PCDH11X: variants seen among roughly 807,000 people sequenced by gnomAD.
PCDH11X encodes the protein protocadherin-11 X-linked.
Under a neutral mutation model 53.3 loss-of-function variants are expected in PCDH11X, and 18 were observed. The ratio of observed to expected loss-of-function variants is 0.34; its 90% confidence interval spans 0.23 to 0.50. PCDH11X has a LOEUF of 0.50. Among genes scored for constraint, PCDH11X ranks in the 20% least tolerant of loss-of-function variants. The pLI is 0.98. For missense variants in PCDH11X, 570 were observed against 1,032.4 expected (o/e 0.55, Z 6.14); for synonymous variants, 279 against 393.3 (o/e 0.71, Z 3.44).
intron 6 of PCDH11X, among the ~76,000 whole-genome samples, chrX:92,200,425 A>G (rs1038894267): frequency 8.9e-6 from 1 of 112,043 alleles, no homozygotes; most frequent in Non-Finnish European, 1.9e-5. Flanking sequence ...ACTGCTGGTT[A>G]TATATCCAAA....
chrX:92,576,669 A>C (rs1236742579), intron 10 of PCDH11X, among the ~76,000 whole-genome samples: 2 of 110,783 alleles, frequency 1.8e-5, no homozygotes, highest in Non-Finnish European at 3.8e-5. Context: ...TTGCATAAAC[A>C]AAAAAAGCAC....
intron 1 of PCDH11X, among the ~76,000 whole-genome samples, chrX:91,799,319 A>C (rs1479304053): frequency 1.8e-5 from 2 of 111,738 alleles, no homozygotes; most frequent in African/African-American, 6.5e-5. Context: ...AAACATACCT[A>C]ATTCTGTTAA....
At position 92,255,193 on chromosome X, in the gene PCDH11X, A is replaced by G. The variant is rs1212241557; in HGVS notation, c.3115-7921A>G. 7.4e-5 allele frequency among the ~76,000 whole-genome samples: 8 copies of G among 107,843 alleles called. No homozygotes were observed. The East Asian group carries it at 2.3e-3, about 31-fold the overall frequency. The allele number at this position is 107,843 out of a possible 115,157, so 93.6% of individuals were successfully genotyped here. A position where few individuals can be genotyped will look rare whatever the true frequency, so the allele number is the denominator to read the frequency against. On this transcript the variant is annotated intron_variant, in intron 7 of 10. Coordinates refer to ENST00000682573, the MANE Select transcript of PCDH11X (RefSeq NM_032968.5). ...CTTCTCGCTTCATTTCATTCATTTC[A>G]TCTTCCATCGCTGATATCCTTTCTT...
At chrX:92,034,586 C>T (rs1047787149) in intron 6 of PCDH11X, among the ~76,000 whole-genome samples, 2 of 107,127 alleles carry the variant, frequency 1.9e-5, no homozygotes, top group African/African-American at 6.9e-5. Context: ...TTTCCATTGA[C>T]ACAGAATATC....
At chrX:92,458,746 A>G (rs1382206723) in intron 9 of PCDH11X, among the ~76,000 whole-genome samples, 1 of 109,056 alleles carries the variant, frequency 9.2e-6, no homozygotes, top group Non-Finnish European at 1.9e-5. Context: ...CCCATTCTGA[A>G]TATGCAGCAC....
chrX:92,484,207 G>A (rs866177747), intron 10 of PCDH11X, among the ~76,000 whole-genome samples: 1,095 of 68,129 alleles, frequency 0.016, 19 homozygotes, highest in African/African-American at 0.085. Flanking sequence ...ATGTATATAT[G>A]TATATATATG....
intron 5 of PCDH11X, 115 bp from the exon 6 acceptor site, chrX:91,876,666 T>C (rs1232703944): frequency 2.4e-6 from 2 of 817,832 alleles, no homozygotes; most frequent in African/African-American, 2.2e-5. Flanking sequence ...AAACTGAAAA[T>C]TGTTCTCATT....
chrX:92,257,865 G>C (rs138994165), intron 7 of PCDH11X, among the ~76,000 whole-genome samples: 1,707 of 111,773 alleles, frequency 0.015, 32 homozygotes, highest in African/African-American at 0.053. Flanking sequence ...GCTGTTGGTG[G>C]ATCTACCATT....
chrX:91,950,559 T>TAA (rs1301957739), intron 6 of PCDH11X, among the ~76,000 whole-genome samples: 3 of 103,378 alleles, frequency 2.9e-5, no homozygotes, highest in African/African-American at 1.1e-4. Context: ...TATATATATA[T>TAA]AAATGTGATT....
rs1228997691 is a variant in PCDH11X, at chrX:92,036,224, T to C, written c.3033+156951T>C. The stretch of plus-strand genomic sequence containing the variant: ...ACTGATGCTCGTAGATGTTTGTTTA[T>C]GTCTGTATATTGAGGAGTTCGGTGT... On this transcript the variant is annotated intron_variant, in intron 6 of 10. Transcript: ENST00000682573. 4.6e-5 allele frequency among the ~76,000 whole-genome samples: 5 copies of C among 107,645 alleles called. No homozygotes were observed. The East Asian group carries it at 1.5e-3, about 32-fold the overall frequency. The allele number at this position is 107,645 out of a possible 115,157, so 93.5% of individuals were successfully genotyped here. A position where few individuals can be genotyped will look rare whatever the true frequency, so the allele number is the denominator to read the frequency against.
rs1477183200 is a variant in PCDH11X at position 92,600,926 on chromosome X, C to T, written c.3368-17338C>T. Among the ~76,000 whole-genome samples the T allele has an allele frequency of 2.8e-5, 3 of 107,991 alleles. No individual in the cohort carries two copies. In the East Asian group the frequency reaches 8.7e-4, roughly 31 times the overall value. 93.8% of individuals were successfully genotyped at this position (107,991 alleles called of 115,157 possible). A position where few individuals can be genotyped will look rare whatever the true frequency, so the allele number is the denominator to read the frequency against. On this transcript the variant is annotated intron_variant, in intron 10 of 10. Transcript: ENST00000682573. ...GCAGTCAAAGGTGATCATTTTGGAG[C>T]TTTAATATTTGACCACCTCACTGGA...
At chrX:91,996,314 A>T (rs1349011064) in intron 6 of PCDH11X, among the ~76,000 whole-genome samples, 1 of 97,631 alleles carries the variant, frequency 1.0e-5, no homozygotes, top group African/African-American at 3.8e-5. Flanking sequence ...ACGCCCAGCT[A>T]ATTTTTGTAT....
At chrX:92,439,547 G>A (rs1260795140) in intron 9 of PCDH11X, among the ~76,000 whole-genome samples, 2 of 110,054 alleles carry the variant, frequency 1.8e-5, no homozygotes, top group African/African-American at 6.6e-5. Flanking sequence ...GTATGAAAAA[G>A]TGATTGAGTT....
At chrX:92,013,189 G>A in intron 6 of PCDH11X, among the ~76,000 whole-genome samples, 1 of 111,274 alleles carries the variant, frequency 9.0e-6, no homozygotes, top group Non-Finnish European at 1.9e-5. Context: ...CAAAGTCTCG[G>A]GATACAAAAT....
chrX:92,588,976 G>A (rs763564423), intron 10 of PCDH11X, among the ~76,000 whole-genome samples: 1 of 111,133 alleles, frequency 9.0e-6, no homozygotes, highest in Non-Finnish European at 1.9e-5. Context: ...AGACTTTTCA[G>A]TGAAAACCCT....
chrX:92,090,991 A>C (rs1014949133), intron 6 of PCDH11X, among the ~76,000 whole-genome samples: 2 of 112,364 alleles, frequency 1.8e-5, no homozygotes, highest in African/African-American at 6.5e-5. Context: ...AAGGGAATCC[A>C]TGTATACCAG....
rs181741177 is a variant in PCDH11X at position 92,341,971 on chromosome X, G to A, written c.3145-45764G>A. 6.3e-3 allele frequency among the ~76,000 whole-genome samples: 700 copies of A among 111,435 alleles called. 3 individuals are homozygous for A. Among genetic ancestry groups the A allele is most frequent in the Non-Finnish European group, 0.01 (539 of 53,121 alleles). On this transcript the variant is annotated intron_variant, in intron 8 of 10. Coordinates refer to ENST00000682573, the MANE Select transcript of PCDH11X (RefSeq NM_032968.5). ...TGGAGTAATATCCAGAATCTCTAAG[G>A]AACTTAAACAACTCAAGAAGCAAAA...
chrX:91,909,731 G>A (rs1239673122), intron 6 of PCDH11X, among the ~76,000 whole-genome samples: 2 of 108,502 alleles, frequency 1.8e-5, no homozygotes, highest in Non-Finnish European at 3.8e-5. Context: ...GTTTTATTTT[G>A]TCTGTAAACG....
chrX:91,801,418 A>G (rs1376780586), intron 1 of PCDH11X, among the ~76,000 whole-genome samples: 1 of 110,470 alleles, frequency 9.1e-6, no homozygotes, highest in Non-Finnish European at 1.9e-5. Flanking sequence ...GATTTCTTCA[A>G]CAGAAACTGT....
Sources: gnomAD v4.1 joint callset for allele counts (sites outside exome capture counted in the v4.1 genomes callset) on GRCh38, gnomAD v4.1.1 for gene constraint, MANE v1.5 for transcripts, NCBI Gene and HGNC (gene_info 2026-07-23, HGNC 2026-07-21) for gene names.